The following COL19A1 variants were observed in gnomAD, a reference collection of about 807,000 sequenced individuals.
The protein encoded by COL19A1 is collagen alpha-1(XIX) chain.
Under a neutral mutation model 190.2 loss-of-function variants are expected in COL19A1, and 159 were observed. The observed-to-expected ratio is 0.84, with a 90% CI of 0.73 to 0.95. COL19A1 has a LOEUF of 0.95. Among genes scored for constraint, COL19A1 ranks in the 40% least tolerant of loss-of-function variants. The probability of loss-of-function intolerance (pLI) is 0.00; values close to 1 mark genes in which losing one functional copy is unlikely to be tolerated. For synonymous variants in COL19A1, 509 were observed against 458.9 expected (o/e 1.11, Z -1.39); for missense variants, 1,418 against 1,431.9 (o/e 0.99, Z 0.16).
At chr6:70,074,947 G>GA (rs999839910) in intron 15 of COL19A1, among the ~76,000 whole-genome samples, 7 of 147,998 alleles carry the variant, frequency 4.7e-5, no homozygotes, top group African/African-American at 1.9e-4. Context: ...GTCGTAGGTA[G>GA]AAAAAAAGCA....
At chr6:70,118,516 C>T (rs1466729627) in intron 16 of COL19A1, among the ~76,000 whole-genome samples, 14 of 152,096 alleles carry the variant, frequency 9.2e-5, no homozygotes, top group Non-Finnish European at 1.6e-4. Flanking sequence ...AGACGGTTGG[C>T]TGTAAATTTC....
chr6:70,184,866 T>C lies in COL19A1; in HGVS notation c.2812-5T>C. On this transcript the variant is annotated splice_region_variant and splice_polypyrimidine_tract_variant and intron_variant, in intron 45 of 50. Coordinates refer to ENST00000620364, the MANE Select transcript of COL19A1 (RefSeq NM_001858.6). Reference sequence around the variant, plus strand: ...GTGATTTTCATGTTGACATCTGTTTTTCAGGGCATCATGGGTAAGCCTGGA... The same window carrying C: ...GTGATTTTCATGTTGACATCTGTTTCTCAGGGCATCATGGGTAAGCCTGGA... The C allele has an allele frequency of 6.2e-7, 1 of 1,613,242 alleles. No homozygotes were observed. The highest frequency in any genetic ancestry group is 8.5e-7 in the Non-Finnish European group (1 of 1,179,594).
At chr6:69,983,753 A>G (rs1364790890) in intron 11 of COL19A1, among the ~76,000 whole-genome samples, 1 of 152,134 alleles carries the variant, frequency 6.6e-6, no homozygotes, top group East Asian at 1.9e-4. Context: ...GTGGTGAATT[A>G]TAATGATTGA....
intron 2 of COL19A1, among the ~76,000 whole-genome samples, chr6:69,896,285 C>G (rs1418405464): frequency 6.6e-6 from 1 of 152,050 alleles, no homozygotes; most frequent in East Asian, 1.9e-4. Context: ...CGCCTGTAAT[C>G]CCAGCACTTT....
At chr6:70,176,658 T>C (rs1765827299) in intron 42 of COL19A1, 94 bp downstream of exon 42, 1 of 1,174,022 alleles carries the variant, frequency 8.5e-7, no homozygotes, top group South Asian at 1.6e-5. Context: ...CAGGAGAGCA[T>C]ACCATAACTC....
At chr6:69,884,297 G>A (rs538784067) in intron 2 of COL19A1, among the ~76,000 whole-genome samples, 18 of 150,126 alleles carry the variant, frequency 1.2e-4, no homozygotes, top group East Asian at 3.9e-4. Flanking sequence ...ACAAGATCAC[G>A]CCATTGCACT....
In COL19A1 at chr6:70,081,932, T is replaced by C. The variant is rs184606240; in HGVS notation, c.1224+13456T>C. Among the ~76,000 whole-genome samples, 681 of 152,296 alleles carry C rather than the reference T, an allele frequency of 4.5e-3. 5 individuals carry two copies. The highest frequency in any genetic ancestry group is 0.016 in the African/African-American group (656 of 41,582). Reference sequence around the variant, plus strand: ...AGAAAGAATGTAATGTGTTTTTTAATGGTAGGAAAAAATAAAAGAGTGAAC... The same window carrying C: ...AGAAAGAATGTAATGTGTTTTTTAACGGTAGGAAAAAATAAAAGAGTGAAC... On this transcript the variant is annotated intron_variant, in intron 15 of 50. Coordinates refer to ENST00000620364, the MANE Select transcript of COL19A1 (RefSeq NM_001858.6).
At chr6:69,899,192 T>C (rs1769995596) in intron 3 of COL19A1, among the ~76,000 whole-genome samples, 170 bp downstream of exon 3, 1 of 147,092 alleles carries the variant, frequency 6.8e-6, no homozygotes, top group Admixed American at 6.9e-5. Flanking sequence ...TGAGACAGGG[T>C]CTCACTCTGT....
chr6:70,064,675 C>G (rs1781065078), intron 14 of COL19A1, among the ~76,000 whole-genome samples: 2 of 152,182 alleles, frequency 1.3e-5, no homozygotes, highest in Admixed American at 1.3e-4. Context: ...CAAATTGTCC[C>G]TGTTTGCAGA....
At chr6:70,154,251 T>G (rs557598098) in intron 31 of COL19A1, among the ~76,000 whole-genome samples, 2 of 152,194 alleles carry the variant, frequency 1.3e-5, no homozygotes, top group East Asian at 3.9e-4. Context: ...GAATGATGGT[T>G]TCCAGCTTCA....
chr6:69,935,100 T>A (rs1773012972), intron 7 of COL19A1, among the ~76,000 whole-genome samples: 1 of 152,040 alleles, frequency 6.6e-6, no homozygotes, highest in African/African-American at 2.4e-5. Context: ...TCTAAAGTAG[T>A]TAAGTTTCAT....
chr6:70,145,336 A>G (rs960096111), intron 25 of COL19A1, among the ~76,000 whole-genome samples: 1 of 152,210 alleles, frequency 6.6e-6, no homozygotes, highest in Non-Finnish European at 1.5e-5. Context: ...ATGGAATACT[A>G]TGCAGCCATA....
chr6:70,017,753 G>A (rs2150099444), intron 11 of COL19A1, among the ~76,000 whole-genome samples: 1 of 152,240 alleles, frequency 6.6e-6, no homozygotes, highest in Non-Finnish European at 1.5e-5. Context: ...CAGCAAGTAA[G>A]TATTTCTAGG....
intron 4 of COL19A1, among the ~76,000 whole-genome samples, chr6:69,921,410 TC>T (rs1771835008): frequency 2.3e-5 from 2 of 86,368 alleles, no homozygotes; most frequent in Admixed American, 1.1e-4. Flanking sequence ...ATCATATATA[TC>T]ATATATCATA....
chr6:70,170,386 A>G (rs960991857), intron 40 of COL19A1, among the ~76,000 whole-genome samples: 13 of 152,214 alleles, frequency 8.5e-5, no homozygotes, highest in African/African-American at 3.1e-4. Context: ...CTCTTCCAAC[A>G]TTCTTCAAAT....
At chr6:70,046,462 C>T (rs1779923079) in intron 14 of COL19A1, among the ~76,000 whole-genome samples, 1 of 152,124 alleles carries the variant, frequency 6.6e-6, no homozygotes, top group Non-Finnish European at 1.5e-5. Flanking sequence ...ATTTTCTTCT[C>T]TTTCTTTCTG....
intron 15 of COL19A1, among the ~76,000 whole-genome samples, chr6:70,095,908 TACA>T (rs1329942212): frequency 6.6e-6 from 1 of 152,218 alleles, no homozygotes; most frequent in African/African-American, 2.4e-5. Flanking sequence ...TGTATGTTTG[TACA>T]ACATTTTATT....
chr6:70,110,199 T>C (rs1784207053), intron 16 of COL19A1, among the ~76,000 whole-genome samples: 2 of 152,208 alleles, frequency 1.3e-5, no homozygotes, highest in African/African-American at 4.8e-5. Context: ...ACCTTGAATG[T>C]GACTACATGC....
intron 9 of COL19A1, among the ~76,000 whole-genome samples, chr6:69,946,778 A>G (rs1773841249): frequency 6.6e-6 from 1 of 151,868 alleles, no homozygotes; most frequent in Admixed American, 6.6e-5. Flanking sequence ...ATGATGGTTT[A>G]CTCTTTGATC....
Sources: gnomAD v4.1 joint callset for allele counts (sites outside exome capture counted in the v4.1 genomes callset) on GRCh38, gnomAD v4.1.1 for gene constraint, MANE v1.5 for transcripts, NCBI Gene and HGNC (gene_info 2026-07-23, HGNC 2026-07-21) for gene names.